The following AGBL1 variants were observed in gnomAD, a reference collection of about 807,000 sequenced individuals.
AGBL1 encodes the protein AGBL carboxypeptidase 1, also known as cytosolic carboxypeptidase 4.
A neutral mutation model predicts 118.9 loss-of-function variants in AGBL1; 130 were observed. The observed-to-expected ratio is 1.09, with a 90% CI of 0.95 to 1.26. The LOEUF (loss-of-function observed/expected upper bound fraction) is 1.26, where lower values mean the gene tolerates loss of function less well. AGBL1 is among the 50% of genes most tolerant of loss of function. The pLI, the probability that AGBL1 is intolerant of heterozygous loss-of-function variation, is 0.00. For missense variants in AGBL1, 1,584 were observed against 1,298.1 expected (o/e 1.22, Z -3.38); for synonymous variants, 555 against 478.9 (o/e 1.16, Z -2.08).
intron 6 of AGBL1, among the ~76,000 whole-genome samples, chr15:86,236,028 G>A (rs1290795986): frequency 6.6e-6 from 1 of 152,222 alleles, no homozygotes; most frequent in Non-Finnish European, 1.5e-5. Context: ...TGTGTAATAT[G>A]CACTTGGCAT....
At chr15:86,611,465 T>C (rs1222621108) in intron 21 of AGBL1, among the ~76,000 whole-genome samples, 2 of 152,164 alleles carry the variant, frequency 1.3e-5, no homozygotes, top group Non-Finnish European at 2.9e-5. Flanking sequence ...TGCAGAGTCA[T>C]TCAGTTTTTC....
rs138848575 is a variant in AGBL1 at position 86,339,589 on chromosome 15, T to C, written c.2374+44181T>C. Among the ~76,000 whole-genome samples the C allele has an allele frequency of 4.7e-3, 717 of 152,318 alleles. 9 individuals carry two copies. Among genetic ancestry groups the C allele is most frequent in the African/African-American group, 0.016 (679 of 41,584 alleles). ...AATTTTTATTGCTCTATCATCAAGG[T>C]AACAGATTCTTCTTTCCCTCCATTC... On this transcript the variant is annotated intron_variant, in intron 17 of 22. Coordinates refer to ENST00000614907, the MANE Select transcript of AGBL1 (RefSeq NM_001386094.1).
At chr15:86,327,578 C>A (rs1224680367) in intron 17 of AGBL1, among the ~76,000 whole-genome samples, 2 of 152,168 alleles carry the variant, frequency 1.3e-5, no homozygotes, top group African/African-American at 4.8e-5. Flanking sequence ...ATGTGCCCAG[C>A]AGAAGTGTTT....
At chr15:86,995,866 T>A (rs2081375280) in intron 24 of AGBL1, among the ~76,000 whole-genome samples, 1 of 152,220 alleles carries the variant, frequency 6.6e-6, no homozygotes, top group Non-Finnish European at 1.5e-5. Flanking sequence ...GATCAGTCTT[T>A]GCAGCAGGAG....
Position 86,639,657 on chromosome 15 carries a change from C to A in AGBL1, c.2995-34616C>A, listed in dbSNP as rs575665136. On this transcript the variant is annotated intron_variant, in intron 21 of 22. Coordinates refer to ENST00000614907, the MANE Select transcript of AGBL1 (RefSeq NM_001386094.1). ...CTTCCCGGGTCTCTTGTCCTTTCTT[C>A]CATCTCTAGATGACAAATGTCCACT... 9.7e-4 allele frequency among the ~76,000 whole-genome samples: 147 copies of A among 152,282 alleles called. 2 individuals carry two copies. The highest frequency in any genetic ancestry group is 7.7e-4 in the East Asian group (4 of 5,186).
At chr15:86,449,848 G>T (rs1256767393) in intron 18 of AGBL1, among the ~76,000 whole-genome samples, 1 of 152,098 alleles carries the variant, frequency 6.6e-6, no homozygotes, top group South Asian at 2.1e-4. Context: ...ACCCAGGAGA[G>T]CCATACTTTG....
chr15:86,264,379 G>A lies in AGBL1; in HGVS notation c.1208G>A (p.Cys403Tyr). Residue 403 changes from cysteine to tyrosine, a missense_variant, in exon 11 of 23, where the codon TGT becomes TAT. Cys to Tyr is a radical substitution (Grantham distance 194). Transcript: ENST00000614907. ...QHCYSKDQSS[C>Y]GQEREYAVQT... ...TGCTACAGCAAGGACCAAAGCTCCT[G>A]TGGGCAAGAAAGAGAATATGCTGTC... The A allele has an allele frequency of 6.2e-7, 1 of 1,613,862 alleles. No individual in the cohort carries two copies. Among genetic ancestry groups the A allele is most frequent in the Admixed American group, 1.7e-5 (1 of 60,002 alleles).
intron 22 of AGBL1, among the ~76,000 whole-genome samples, chr15:86,859,294 C>G (rs1256689194): frequency 1.3e-5 from 2 of 152,160 alleles, no homozygotes; most frequent in Non-Finnish European, 2.9e-5. Context: ...CAGTGATGAC[C>G]TAGACATTCA....
At chr15:86,307,447 T>G (rs1262854010) in intron 17 of AGBL1, among the ~76,000 whole-genome samples, 1 of 152,146 alleles carries the variant, frequency 6.6e-6, no homozygotes, top group Non-Finnish European at 1.5e-5. Context: ...TTTTGCTTAA[T>G]TTTCATGGAA....
At chr15:86,180,449 G>A (rs1191017489) in intron 5 of AGBL1, among the ~76,000 whole-genome samples, 1 of 152,048 alleles carries the variant, frequency 6.6e-6, no homozygotes, top group Non-Finnish European at 1.5e-5. Flanking sequence ...TCAATAAATG[G>A]TGCTGGAAAA....
At chr15:86,988,131 G>T (rs753452644) in intron 24 of AGBL1, 13 of 1,597,630 alleles carry the variant, frequency 8.1e-6, no homozygotes, top group Non-Finnish European at 1.0e-5. Context: ...TTGGGGCGGG[G>T]ATTGCTGGAT....
At chr15:86,452,709 A>G (rs989985262) in intron 18 of AGBL1, among the ~76,000 whole-genome samples, 1 of 152,132 alleles carries the variant, frequency 6.6e-6, no homozygotes, top group Non-Finnish European at 1.5e-5. Context: ...ATGAAACAAA[A>G]TATTCCCTAA....
chr15:86,902,456 T>G (rs2080224499), intron 22 of AGBL1, among the ~76,000 whole-genome samples: 1 of 152,134 alleles, frequency 6.6e-6, no homozygotes, highest in Non-Finnish European at 1.5e-5. Flanking sequence ...TCTTAAAAAC[T>G]TAGGAAAAGA....
chr15:86,196,862 CACATGT>C (rs1357461244), intron 5 of AGBL1, among the ~76,000 whole-genome samples: 2 of 101,550 alleles, frequency 2.0e-5, no homozygotes, highest in East Asian at 7.3e-4. Context: ...TGCGAATGTG[CACATGT>C]GCGCGCGCGC....
chr15:86,953,765 T>C (rs2080903116), intron 23 of AGBL1, among the ~76,000 whole-genome samples: 1 of 152,192 alleles, frequency 6.6e-6, no homozygotes, highest in African/African-American at 2.4e-5. Context: ...TTTTGTACAC[T>C]GATTTTGTAT....
At position 86,474,042 on chromosome 15, in the gene AGBL1, G is replaced by A. The variant is rs186880989; in HGVS notation, c.2556-48768G>A. Among the ~76,000 whole-genome samples, 154 of 152,276 alleles carry A rather than the reference G, an allele frequency of 1.0e-3. 1 individual carries two copies. Among genetic ancestry groups the A allele is most frequent in the Non-Finnish European group, 1.8e-3 (121 of 68,030 alleles). ...GCACTGTTTGGTATTTATTTTTAATGAGTAGATTTTGGCTGATTTTGACAC... is the reference window on the plus strand; with the variant it reads ...GCACTGTTTGGTATTTATTTTTAATAAGTAGATTTTGGCTGATTTTGACAC... On this transcript the variant is annotated intron_variant, in intron 18 of 22. Transcript: ENST00000614907.
chr15:86,267,254 G>A (rs1334690278), intron 13 of AGBL1, among the ~76,000 whole-genome samples, 178 bp downstream of exon 13: 1 of 152,122 alleles, frequency 6.6e-6, no homozygotes, highest in Non-Finnish European at 1.5e-5. Context: ...TCCTTTCAGA[G>A]AGTCATTTGT....
At chr15:86,473,744 TG>T (rs967620523) in intron 18 of AGBL1, among the ~76,000 whole-genome samples, 1 of 152,254 alleles carries the variant, frequency 6.6e-6, no homozygotes, top group African/African-American at 2.4e-5. Context: ...ATGACTATGC[TG>T]TTTTTGGAAT....
chr15:86,614,441 A>G (rs2084696245), intron 21 of AGBL1, among the ~76,000 whole-genome samples: 2 of 152,110 alleles, frequency 1.3e-5, no homozygotes, highest in East Asian at 3.9e-4. Context: ...CTTATTTAGC[A>G]TTTGTGTGGT....
Sources: allele counts gnomAD v4.1 joint callset (sites outside exome capture counted in the v4.1 genomes callset), GRCh38; gene constraint gnomAD v4.1.1; transcripts MANE v1.5; gene names NCBI Gene and HGNC (gene_info 2026-07-23, HGNC 2026-07-21).